Variants in VNN2 observed in about 807,000 individuals in gnomAD.
VNN2 encodes the protein pantetheine hydrolase VNN2.
In VNN2, 43 loss-of-function variants were observed where a neutral mutation model predicts 43.0. The observed-to-expected ratio is 1.00, with a 90% CI of 0.78 to 1.29. The LOEUF (loss-of-function observed/expected upper bound fraction) is 1.29, where lower values mean the gene tolerates loss of function less well. Among genes scored for constraint, VNN2 ranks in the 50% most tolerant of loss-of-function variants. The probability of loss-of-function intolerance (pLI) is 0.00; values close to 1 mark genes in which losing one functional copy is unlikely to be tolerated. For missense variants in VNN2, 652 were observed against 619.7 expected (o/e 1.05, Z -0.55); for synonymous variants, 230 against 224.3 (o/e 1.03, Z -0.23).
chr6:132,755,705 C>CAAAAAAAAAAAAAAAAA, intron 3 of VNN2, 138 bp downstream of exon 3: 1 of 1,006,094 alleles, frequency 9.9e-7, no homozygotes. Flanking sequence ...TGCCCACTTT[C>CAAAAAAAAAAAAAAAAA]AAAAAACAAA....
At chr6:132,747,193 T>C (rs12528048) in intron 6 of VNN2, among the ~76,000 whole-genome samples, 2 of 152,166 alleles carry the variant, frequency 1.3e-5, no homozygotes, top group Non-Finnish European at 2.9e-5. Context: ...GCATGACAAG[T>C]TCACAGAATC....
At chr6:132,763,054 A>C (rs1194873691) in intron 1 of VNN2, among the ~76,000 whole-genome samples, 2 of 152,172 alleles carry the variant, frequency 1.3e-5, no homozygotes, top group East Asian at 3.9e-4. Flanking sequence ...CCTTTTAAAA[A>C]ATTAAAAATT....
At chr6:132,756,977 T>C (rs556796788) in intron 2 of VNN2, among the ~76,000 whole-genome samples, 22 of 152,320 alleles carry the variant, frequency 1.4e-4, no homozygotes, top group African/African-American at 4.8e-4. Flanking sequence ...AAATGCAGTT[T>C]CAAAGCATAA....
At chr6:132,751,124 T>C in intron 5 of VNN2, 21 bp downstream of exon 5, 2 of 1,550,820 alleles carry the variant, frequency 1.3e-6, no homozygotes, top group Non-Finnish European at 1.7e-6. Context: ...TTGAATGCCC[T>C]TTCATTTGAA....
chr6:132,746,545 CT>C (rs34509155), intron 6 of VNN2, among the ~76,000 whole-genome samples: 16 of 151,704 alleles, frequency 1.1e-4, no homozygotes, highest in Non-Finnish European at 1.6e-4. Context: ...GGTTATTGGA[CT>C]TTTTTTTGGC....
At position 132,756,061 on chromosome 6, in the gene VNN2, T is replaced by C. The variant is rs567404642; in HGVS notation, c.345-26A>G. The C allele has an allele frequency of 2.1e-5, 32 of 1,505,346 alleles. No homozygotes were observed. In the East Asian group the frequency reaches 7.2e-4, roughly 34 times the overall value. 93.2% of individuals were successfully genotyped at this position (1,505,346 alleles called of 1,614,324 possible). A position where few individuals can be genotyped will look rare whatever the true frequency, so the allele number is the denominator to read the frequency against. ...CTAAACCAAATTATAATTAAGAAAT[T>C]TCAATTTTAAAAAAATATTTTAGTC... On this transcript the variant is annotated intron_variant, in intron 2 of 6. Coordinates refer to ENST00000326499, the MANE Select transcript of VNN2 (RefSeq NM_004665.6).
intron 3 of VNN2, chr6:132,754,089 C>T (rs547428436): frequency 6.6e-6 from 1 of 151,864 alleles, no homozygotes; most frequent in African/African-American, 2.4e-5. Flanking sequence ...TCAACTTAGA[C>T]AGGGTGACTG....
At chr6:132,763,369 A>G (rs547793621) in intron 1 of VNN2, 1 of 152,376 alleles carries the variant, frequency 6.6e-6, no homozygotes, top group East Asian at 1.9e-4. Flanking sequence ...TTGCAGCCCA[A>G]GGTAACTACT....
At position 132,752,747 on chromosome 6, in the gene VNN2, G is replaced by A. The variant is rs764122714; in HGVS notation, c.540C>T (p.Tyr180=). ...EGKLVARYHK[Y]HLYSEPQFNV... ...TAAACTGAGGCTCAGAGTACAGGTGGTACTACAACAAATGGATAGGAGAAA... is the reference window on the plus strand; with the variant it reads ...TAAACTGAGGCTCAGAGTACAGGTGATACTACAACAAATGGATAGGAGAAA... Residue 180 remains tyrosine (Y), a splice_region_variant and synonymous_variant, in exon 4 of 7, where the codon TAC becomes TAT. Transcript: ENST00000326499. 7 of 1,610,558 alleles carry A rather than the reference G, an allele frequency of 4.3e-6. No homozygotes were observed. In the South Asian group the frequency reaches 7.7e-5, roughly 18 times the overall value.
chr6:132,750,757 C>T (rs1780022897), intron 5 of VNN2, among the ~76,000 whole-genome samples: 1 of 151,628 alleles, frequency 6.6e-6, no homozygotes, highest in Non-Finnish European at 1.5e-5. Flanking sequence ...AAAGTAGTAT[C>T]TCTATTTACT....
chr6:132,751,558 C>A, intron 4 of VNN2, 40 bp from the exon 5 acceptor site: 2 of 1,555,668 alleles, frequency 1.3e-6, no homozygotes, highest in African/African-American at 1.4e-5. Flanking sequence ...CAACACCACA[C>A]ACAAAAAAAC....
upstream of VNN2, among the ~76,000 whole-genome samples, chr6:132,762,235 G>T (rs892222688): frequency 2.6e-5 from 4 of 152,196 alleles, no homozygotes; most frequent in Admixed American, 1.3e-4. Context: ...GCTGCTCCAG[G>T]CTCTGACACT....
In VNN2 at chr6:132,750,497, G is replaced by GTATA. The variant is rs1554217694; in HGVS notation, c.1201-636_1201-633dup. Among the ~76,000 whole-genome samples the GTATA allele has an allele frequency of 3.2e-3, 329 of 103,678 alleles. 9 individuals are homozygous for GTATA. The highest frequency in any genetic ancestry group is 0.01 in the African/African-American group (289 of 28,062). The allele number at this position is 103,678 out of a possible 152,430, so 68.0% of individuals were successfully genotyped here. A position where few individuals can be genotyped will look rare whatever the true frequency, so the allele number is the denominator to read the frequency against. On this transcript the variant is annotated intron_variant, in intron 5 of 6. Coordinates refer to ENST00000326499, the MANE Select transcript of VNN2 (RefSeq NM_004665.6). ...TCTACTAAAAATATTTTGTATATGT[G>GTATA]TATATATATATATATATTTTTCCAG...
upstream of VNN2, chr6:132,757,987 C>A: frequency 9.1e-6 from 5 of 546,518 alleles, no homozygotes; most frequent in Admixed American, 4.7e-5. Flanking sequence ...TGGCCTTTTA[C>A]TTTATCATCA....
At position 132,757,760 on chromosome 6, in the gene VNN2, C is replaced by G. The variant is rs768417381; in HGVS notation, c.124G>C (p.Glu42Gln). Residue 42 changes from glutamate (E) to glutamine (Q), a missense_variant, in exon 1 of 7, where the codon GAA becomes CAA. By Grantham distance (29) the Glu-to-Gln change is conservative. Coordinates refer to ENST00000326499, the MANE Select transcript of VNN2 (RefSeq NM_004665.6). ...GCATCCTCCTGAGAAACTGGTGTTT[C>G]TGTTTTATTTGGCAAAATGACAGCA... ...EHAVILPNKT[E>Q]TPVSQEDALN... The G allele has an allele frequency of 1.2e-6, 2 of 1,614,124 alleles. No homozygotes were observed. Among genetic ancestry groups the G allele is most frequent in the Non-Finnish European group, 1.7e-6 (2 of 1,180,032 alleles).
chr6:132,759,438 C>CAAAAAAAAAAAAAAAAAAAAAAA (rs58195059), upstream of VNN2, among the ~76,000 whole-genome samples: 2 of 69,174 alleles, frequency 2.9e-5, no homozygotes, highest in African/African-American at 4.9e-5. Flanking sequence ...AACTCCGTCT[C>CAAAAAAAAAAAAAAAAAAAAAAA]AAAAAAAAAA....
At chr6:132,747,886 G>A (rs1341563388) in intron 6 of VNN2, among the ~76,000 whole-genome samples, 1 of 152,116 alleles carries the variant, frequency 6.6e-6, no homozygotes, top group Non-Finnish European at 1.5e-5. Flanking sequence ...TGGTATTTCT[G>A]GCTTTGGACC....
chr6:132,758,006 C>CTTCTTCTTCTTCTTTTTTTTT, upstream of VNN2: 3 of 145,632 alleles, frequency 2.1e-5, no homozygotes, highest in African/African-American at 4.7e-4. Context: ...CATTTTTCTT[C>CTTCTTCTTCTTCTTTTTTTTT]TTCTTCTTCT....
intron 3 of VNN2, chr6:132,753,065 G>A (rs1208089861): frequency 1.7e-5 from 4 of 228,624 alleles, no homozygotes; most frequent in African/African-American, 4.7e-5. Context: ...TTATTTTTCT[G>A]AGACGGAGCC....
Sources: gnomAD v4.1 joint callset for allele counts (sites outside exome capture counted in the v4.1 genomes callset) on GRCh38, gnomAD v4.1.1 for gene constraint, MANE v1.5 for transcripts, NCBI Gene and HGNC (gene_info 2026-07-23, HGNC 2026-07-21) for gene names.